The following ARHGAP32 variants were observed in gnomAD, a reference collection of about 807,000 sequenced individuals.
The protein encoded by ARHGAP32 is Rho GTPase activating protein 32, also known as rho GTPase-activating protein 32.
A neutral mutation model predicts 186.5 loss-of-function variants in ARHGAP32; 51 were observed. The observed-to-expected ratio is 0.27, with a 90% CI of 0.22 to 0.35. The LOEUF (loss-of-function observed/expected upper bound fraction) is 0.35, where lower values mean the gene tolerates loss of function less well. ARHGAP32 is among the 10% of genes least tolerant of loss of function. The pLI is 1.00. For synonymous variants in ARHGAP32, 950 were observed against 964.3 expected, an observed-to-expected ratio of 0.99 and a Z score of 0.27; for missense variants, 2,186 against 2,623.5, an observed-to-expected ratio of 0.83 and a Z score of 3.64.
chr11:129,004,871 T>C (rs572246754), intron 11 of ARHGAP32, among the ~76,000 whole-genome samples: 7 of 152,282 alleles, frequency 4.6e-5, no homozygotes, highest in African/African-American at 1.7e-4. Context: ...ACATTTGATG[T>C]TATTATCGGT....
chr11:129,185,508 G>A (rs757176855), intron 1 of ARHGAP32, among the ~76,000 whole-genome samples: 1 of 152,092 alleles, frequency 6.6e-6, no homozygotes, highest in African/African-American at 2.4e-5. Context: ...TGTAAATGAC[G>A]AGTTACTGGG....
intron 1 of ARHGAP32, among the ~76,000 whole-genome samples, chr11:129,258,178 T>C (rs967208081): frequency 6.6e-6 from 1 of 152,210 alleles, no homozygotes; most frequent in Admixed American, 6.5e-5. Flanking sequence ...GGTTTGTTTT[T>C]TCTCTATTAA....
chr11:129,217,006 T>A (rs1018253353), intron 1 of ARHGAP32, among the ~76,000 whole-genome samples: 1 of 152,174 alleles, frequency 6.6e-6, no homozygotes, highest in Non-Finnish European at 1.5e-5. Flanking sequence ...AAGTTAAATA[T>A]ATTTTAACTA....
chr11:129,066,759 C>T lies in ARHGAP32; in HGVS notation c.641G>A (p.Arg214His), dbSNP rs535969955. 32 of 1,612,298 alleles carry T rather than the reference C, an allele frequency of 2.0e-5. No homozygotes were observed. The highest frequency in any genetic ancestry group is 6.6e-5 in the South Asian group (6 of 91,014). The stretch of plus-strand genomic sequence containing the variant: ...TGGACTGTCCTTCAGGGTGTCAGAA[C>T]GGGGAAGTTCTGAGAGCTGGGAAAA... ...RRFSQLSELP[R>H]SDTLKDSPES... The change falls in exon 7 of 23, where the codon CGT (arginine) becomes CAT (histidine). Residue 214 changes from arginine to histidine, a missense_variant. Around this residue, in one of 5 missense-constraint regions of ARHGAP32, gnomAD observed 308 missense variants for 596.5 expected, o/e 0.52. Coordinates refer to ENST00000682385, the MANE Select transcript of ARHGAP32 (RefSeq NM_001378024.1).
chr11:128,975,225 G>A (rs1397667263), intron 20 of ARHGAP32, among the ~76,000 whole-genome samples: 4 of 152,104 alleles, frequency 2.6e-5, no homozygotes, highest in Non-Finnish European at 4.4e-5. Context: ...AGAATCAGAG[G>A]GCGAATGCAG....
chr11:129,239,983 T>A (rs1944993121), intron 1 of ARHGAP32, among the ~76,000 whole-genome samples: 1 of 152,200 alleles, frequency 6.6e-6, no homozygotes, highest in South Asian at 2.1e-4. Flanking sequence ...CTTCATTTCC[T>A]ACACAGCAAC....
chr11:129,265,524 C>T (rs1293621445), intron 1 of ARHGAP32, among the ~76,000 whole-genome samples: 1 of 152,164 alleles, frequency 6.6e-6, no homozygotes. Flanking sequence ...AACACAGGCA[C>T]TTGAAGGGCA....
At chr11:128,983,679 C>T (rs1945780950) in intron 15 of ARHGAP32, among the ~76,000 whole-genome samples, 1 of 150,926 alleles carries the variant, frequency 6.6e-6, no homozygotes, top group East Asian at 1.9e-4. Context: ...TAAAGCCAGG[C>T]TCCTCAGCCA....
intron 5 of ARHGAP32, among the ~76,000 whole-genome samples, chr11:129,112,631 T>C (rs1287735025): frequency 1.3e-5 from 2 of 152,180 alleles, no homozygotes; most frequent in Non-Finnish European, 1.5e-5. Context: ...CTGCTGCCTC[T>C]TGGGTGACAG....
chr11:129,104,405 A>G (rs540952486), intron 5 of ARHGAP32, among the ~76,000 whole-genome samples: 26 of 152,058 alleles, frequency 1.7e-4, no homozygotes, highest in Non-Finnish European at 3.1e-4. Context: ...CTGATACTTT[A>G]TGACAGAATC....
At position 129,224,643 on chromosome 11, in the gene ARHGAP32, C is replaced by T. The variant is rs112592679; in HGVS notation, c.-5+54503G>A. Among the ~76,000 whole-genome samples the T allele has an allele frequency of 2.8e-4, 42 of 152,058 alleles. 1 individual carries two copies. The highest frequency in any genetic ancestry group is 1.5e-3 in the East Asian group (8 of 5,172). On this transcript the variant is annotated intron_variant, in intron 1 of 6. Coordinates refer to the ARHGAP32 transcript ENST00000525234. ...AAGCCAGGAGCCTGGCAGCCACCAACGGATTTTAAGTGCCTTCAAAGCCTC... is the reference window on the plus strand; with the variant it reads ...AAGCCAGGAGCCTGGCAGCCACCAATGGATTTTAAGTGCCTTCAAAGCCTC...
intron 8 of ARHGAP32, 131 bp downstream of exon 8, chr11:129,064,710 C>A: frequency 1.5e-6 from 1 of 656,446 alleles, no homozygotes. Flanking sequence ...ATCTATCCTC[C>A]CAGATGCTGA....
At chr11:129,119,952 T>C (rs1024767097) in intron 5 of ARHGAP32, among the ~76,000 whole-genome samples, 5 of 152,072 alleles carry the variant, frequency 3.3e-5, no homozygotes, top group African/African-American at 1.2e-4. Flanking sequence ...TGTAAATCCT[T>C]GTAGAGAAGT....
chr11:129,096,366 C>A (rs1941729085), intron 5 of ARHGAP32, among the ~76,000 whole-genome samples: 2 of 152,160 alleles, frequency 1.3e-5, no homozygotes, highest in South Asian at 2.1e-4. Context: ...TCCACCTAGA[C>A]AATAACTGCA....
At chr11:129,174,574 C>T (rs1258987105) in intron 1 of ARHGAP32, among the ~76,000 whole-genome samples, 1 of 152,146 alleles carries the variant, frequency 6.6e-6, no homozygotes, top group African/African-American at 2.4e-5. Context: ...AATGCTTCTC[C>T]CAGCACGCAG....
intron 1 of ARHGAP32, among the ~76,000 whole-genome samples, chr11:129,181,000 G>C (rs1333872215): frequency 6.6e-6 from 1 of 152,032 alleles, no homozygotes; most frequent in Admixed American, 6.6e-5. Context: ...GTTCCACAGA[G>C]AAGTCCAAGC....
intron 6 of ARHGAP32, among the ~76,000 whole-genome samples, chr11:129,070,076 G>A (rs1940822885): frequency 6.6e-6 from 1 of 152,002 alleles, no homozygotes; most frequent in South Asian, 2.1e-4. Flanking sequence ...AAGAAAAAGA[G>A]AAAGAATGAG....
In ARHGAP32 at chr11:129,248,944, C is replaced by T. The variant is rs548784990; in HGVS notation, c.-5+30202G>A. On this transcript the variant is annotated intron_variant, in intron 1 of 6. Transcript: ENST00000525234. Reference sequence around the variant, plus strand: ...AGGCATGGTCTCTGTCCTCATGGAGCTTGGAGTCCATTTCCTCTAAACGTG... The same window carrying T: ...AGGCATGGTCTCTGTCCTCATGGAGTTTGGAGTCCATTTCCTCTAAACGTG... 2.6e-5 allele frequency among the ~76,000 whole-genome samples: 4 copies of T among 152,270 alleles called. No individual in the cohort carries two copies. In the South Asian group the frequency reaches 6.2e-4, roughly 24 times the overall value.
chr11:128,989,496 C>T (rs980926913), intron 12 of ARHGAP32, among the ~76,000 whole-genome samples: 12 of 136,378 alleles, frequency 8.8e-5, no homozygotes, highest in Non-Finnish European at 1.6e-4. Context: ...AGAGCCAATG[C>T]TTTTGTTTTG....
Sources: allele counts gnomAD v4.1 joint callset (sites outside exome capture counted in the v4.1 genomes callset), GRCh38; gene constraint gnomAD v4.1.1; regional missense constraint gnomAD v4.1.1; transcripts MANE v1.5; gene names NCBI Gene and HGNC (gene_info 2026-07-23, HGNC 2026-07-21).